ZBTB20: variants seen among roughly 807,000 people sequenced by gnomAD.
The protein encoded by ZBTB20 is zinc finger and BTB domain-containing protein 20.
Under a neutral mutation model 56.9 loss-of-function variants are expected in ZBTB20, and 9 were observed. The ratio of observed to expected loss-of-function variants is 0.16; its 90% CI spans 0.10 to 0.28. ZBTB20 has a LOEUF of 0.28. Ranked by LOEUF, ZBTB20 falls within the 10% of genes least tolerant of loss-of-function variation. The probability of loss-of-function intolerance (pLI) is 1.00; values close to 1 mark genes in which losing one functional copy is unlikely to be tolerated. For synonymous variants in ZBTB20, 417 were observed against 420.7 expected, an observed-to-expected ratio of 0.99 and a Z score of 0.11; for missense variants, 655 against 1,003.0, an observed-to-expected ratio of 0.65 and a Z score of 4.69.
chr3:114,828,353 A>T (rs1168825570), intron 4 of ZBTB20, among the ~76,000 whole-genome samples: 1 of 151,584 alleles, frequency 6.6e-6, no homozygotes, highest in African/African-American at 2.4e-5. Flanking sequence ...TATGTTTGAA[A>T]TTTTTTCTAT....
intron 4 of ZBTB20, among the ~76,000 whole-genome samples, chr3:114,819,674 T>C (rs1199233732): frequency 1.3e-5 from 2 of 151,838 alleles, no homozygotes; most frequent in African/African-American, 4.8e-5. Flanking sequence ...ATTAAAAATA[T>C]AAAACAGAAC....
At chr3:114,976,954 C>T (rs1450869302) in intron 2 of ZBTB20, among the ~76,000 whole-genome samples, 2 of 151,740 alleles carry the variant, frequency 1.3e-5, no homozygotes, top group Non-Finnish European at 2.9e-5. Context: ...CTTTCGTATA[C>T]CTGAATCAAT....
chr3:114,318,721 A>T lies in ZBTB20; in HGVS notation c.*20284T>A, dbSNP rs1252397670. On this transcript the variant is annotated 3_prime_UTR_variant, in exon 12 of 12. Transcript: ENST00000675478. ...ACAGCAGGATTTCAGAAACAAATTTAACTTTGGTTTTCCAACTTTTTCAAA... is the reference window on the plus strand; with the variant it reads ...ACAGCAGGATTTCAGAAACAAATTTTACTTTGGTTTTCCAACTTTTTCAAA... 6.6e-6 allele frequency: 1 copy of T among 152,218 alleles called. No individual in the cohort carries two copies. Among genetic ancestry groups the T allele is most frequent in the Non-Finnish European group, 1.5e-5 (1 of 68,042 alleles). 9.4% of individuals were successfully genotyped at this position (152,218 alleles called of 1,614,324 possible).
chr3:114,957,927 C>A (rs2077305012), intron 3 of ZBTB20, among the ~76,000 whole-genome samples: 1 of 152,170 alleles, frequency 6.6e-6, no homozygotes, highest in Non-Finnish European at 1.5e-5. Flanking sequence ...CCTTTCCTAG[C>A]ACCCATCAAT....
intron 6 of ZBTB20, among the ~76,000 whole-genome samples, chr3:114,615,698 T>C (rs1392939685): frequency 6.6e-6 from 1 of 152,204 alleles, no homozygotes; most frequent in Non-Finnish European, 1.5e-5. Context: ...CAGATACCTG[T>C]CATATTTTAG....
At chr3:114,756,568 T>A (rs2108676849) in intron 5 of ZBTB20, among the ~76,000 whole-genome samples, 1 of 152,344 alleles carries the variant, frequency 6.6e-6, no homozygotes, top group East Asian at 1.9e-4. Context: ...ATTTTTTACT[T>A]AGAGTCTTCA....
At chr3:114,345,209 C>A (rs2080093544) in intron 11 of ZBTB20, among the ~76,000 whole-genome samples, 1 of 152,084 alleles carries the variant, frequency 6.6e-6, no homozygotes, top group Non-Finnish European at 1.5e-5. Context: ...GGTGAATGTG[C>A]ACATTGACCA....
At chr3:114,953,694 C>T (rs925600609) in intron 3 of ZBTB20, among the ~76,000 whole-genome samples, 1 of 151,806 alleles carries the variant, frequency 6.6e-6, no homozygotes, top group African/African-American at 2.4e-5. Context: ...AACAACAGAG[C>T]TTCAAAATAC....
At chr3:114,476,188 T>C (rs1427667806) in intron 7 of ZBTB20, among the ~76,000 whole-genome samples, 3 of 152,178 alleles carry the variant, frequency 2.0e-5, no homozygotes, top group African/African-American at 4.8e-5. Flanking sequence ...CAAAATTCTA[T>C]CTAATAGATA....
chr3:114,739,380 C>T (rs556878985), intron 5 of ZBTB20, among the ~76,000 whole-genome samples: 1 of 152,186 alleles, frequency 6.6e-6, no homozygotes, highest in Non-Finnish European at 1.5e-5. Flanking sequence ...CAAACGTGAT[C>T]ATGTTACATG....
chr3:114,799,762 A>ACAT (rs2071583209), intron 5 of ZBTB20, among the ~76,000 whole-genome samples: 1 of 151,940 alleles, frequency 6.6e-6, no homozygotes, highest in African/African-American at 2.4e-5. Context: ...TCAGTGGGCA[A>ACAT]CATACACAAA....
At chr3:114,396,256 T>C (rs1420427352) in intron 7 of ZBTB20, among the ~76,000 whole-genome samples, 1 of 152,188 alleles carries the variant, frequency 6.6e-6, no homozygotes, top group African/African-American at 2.4e-5. Context: ...TGAGTATGTG[T>C]TCTGAATTAA....
intron 5 of ZBTB20, among the ~76,000 whole-genome samples, chr3:114,787,450 TAC>T (rs2070638848): frequency 6.7e-6 from 1 of 150,026 alleles, no homozygotes. Context: ...CACATATATA[TAC>T]ACATATATAC....
chr3:114,822,632 A>C (rs1010276598), intron 4 of ZBTB20, among the ~76,000 whole-genome samples: 1 of 152,108 alleles, frequency 6.6e-6, no homozygotes, highest in African/African-American at 2.4e-5. Context: ...ACTCTAGACA[A>C]TTTAAGTAAT....
At chr3:114,490,840 A>G (rs2042669411) in intron 7 of ZBTB20, among the ~76,000 whole-genome samples, 1 of 152,222 alleles carries the variant, frequency 6.6e-6, no homozygotes, top group Non-Finnish European at 1.5e-5. Flanking sequence ...ATAACAAAAC[A>G]AAACAAAAAG....
chr3:114,455,705 C>T (rs4131837), intron 7 of ZBTB20, among the ~76,000 whole-genome samples: 124,893 of 151,988 alleles, frequency 0.82, 53,204 homozygotes, highest in Non-Finnish European at 0.95. Flanking sequence ...AGGCACGGCA[C>T]GATCTCATCT....
At chr3:114,427,778 T>G (rs1347154978) in intron 7 of ZBTB20, among the ~76,000 whole-genome samples, 1 of 152,236 alleles carries the variant, frequency 6.6e-6, no homozygotes, top group Non-Finnish European at 1.5e-5. Context: ...AATTAAATGT[T>G]AAGACTTTCT....
At chr3:114,888,485 A>C (rs1019421641) in intron 4 of ZBTB20, among the ~76,000 whole-genome samples, 7 of 152,204 alleles carry the variant, frequency 4.6e-5, no homozygotes, top group Admixed American at 1.3e-4. Flanking sequence ...TCAATAGCAA[A>C]AGTATACTGG....
intron 3 of ZBTB20, among the ~76,000 whole-genome samples, chr3:114,941,801 G>A (rs1182990839): frequency 5.5e-5 from 8 of 145,838 alleles, no homozygotes; most frequent in South Asian, 2.1e-4. Flanking sequence ...AAACTGTTTC[G>A]TTTTATCCAG....
Sources: gnomAD v4.1 joint callset for allele counts (sites outside exome capture counted in the v4.1 genomes callset) on GRCh38, gnomAD v4.1.1 for gene constraint, MANE v1.5 for transcripts, NCBI Gene and HGNC (gene_info 2026-07-23, HGNC 2026-07-21) for gene names.